Variants in GRIK5 observed in about 807,000 individuals in gnomAD.
The protein encoded by GRIK5 is glutamate ionotropic receptor kainate type subunit 5.
A neutral mutation model predicts 97.4 loss-of-function variants in GRIK5; 43 were observed. The ratio of observed to expected loss-of-function variants is 0.44; its 90% CI spans 0.35 to 0.57. The LOEUF is 0.57. Ranked by LOEUF, GRIK5 falls within the 20% of genes least tolerant of loss-of-function variation. GRIK5 has a pLI of 0.01. For synonymous variants in GRIK5, 580 were observed against 583.5 expected (o/e 0.99, Z 0.09); for missense variants, 1,015 against 1,382.0 (o/e 0.73, Z 4.21).
At chr19:42,007,617 G>T (rs1420648591) in intron 15 of GRIK5, among the ~76,000 whole-genome samples, 8 of 152,148 alleles carry the variant, frequency 5.3e-5, no homozygotes, top group African/African-American at 1.9e-4. Context: ...AGAGGAGGGA[G>T]CTGCAAAGAG....
chr19:42,033,450 T>G (rs2031188770), intron 12 of GRIK5, among the ~76,000 whole-genome samples: 1 of 152,104 alleles, frequency 6.6e-6, no homozygotes. Flanking sequence ...ATGATTCCAT[T>G]TATGTGAAAT....
At chr19:42,017,953 C>G (rs2075645467) in intron 15 of GRIK5, among the ~76,000 whole-genome samples, 2 of 152,108 alleles carry the variant, frequency 1.3e-5, no homozygotes, top group South Asian at 4.2e-4. Flanking sequence ...TCAGAGGACT[C>G]ATCGCACCAA....
At chr19:42,061,694 C>T (rs774352764) in intron 5 of GRIK5, among the ~76,000 whole-genome samples, 5 of 152,306 alleles carry the variant, frequency 3.3e-5, no homozygotes, top group Non-Finnish European at 7.3e-5. Flanking sequence ...CTTTCCCTCA[C>T]GCCTCTCACA....
intron 11 of GRIK5, among the ~76,000 whole-genome samples, chr19:42,051,338 C>T (rs999718310): frequency 3.9e-5 from 6 of 152,126 alleles, no homozygotes; most frequent in Admixed American, 6.5e-5. Context: ...CCAGGGGCAG[C>T]GCCAGCCTGC....
intron 11 of GRIK5, among the ~76,000 whole-genome samples, chr19:42,050,442 G>A (rs183451817): frequency 3.0e-4 from 46 of 151,898 alleles, no homozygotes; most frequent in South Asian, 2.1e-4. Context: ...GGCAGATCAC[G>A]AGGTCAGGAG....
chr19:42,058,329 C>T (rs147649409), intron 6 of GRIK5, among the ~76,000 whole-genome samples: 13,627 of 151,144 alleles, frequency 0.09, 790 homozygotes, highest in Middle Eastern at 0.16. Context: ...TACAGGCGCC[C>T]GCCACCACGC....
chr19:42,043,399 A>ATTTTT (rs984583211), intron 11 of GRIK5, among the ~76,000 whole-genome samples: 3 of 121,312 alleles, frequency 2.5e-5, no homozygotes, highest in Non-Finnish European at 5.2e-5. Context: ...AGATGGTGCA[A>ATTTTT]TTTTTTTTTT....
intron 12 of GRIK5, among the ~76,000 whole-genome samples, chr19:42,040,567 T>C (rs1326717387): frequency 1.3e-5 from 2 of 152,112 alleles, no homozygotes; most frequent in Non-Finnish European, 2.9e-5. Context: ...GGCTTTAAAA[T>C]TCACCCTGGG....
In GRIK5 at chr19:42,044,038, C is replaced by G. The variant is rs537444934; in HGVS notation, c.1270-1283G>C. On this transcript the variant is annotated intron_variant, in intron 11 of 19. Coordinates refer to ENST00000593562, the MANE Select transcript of GRIK5 (RefSeq NM_002088.5). Reference sequence around the variant, plus strand: ...AGAGACCAGGTGGAGGTAACTGAATCAGGGGGGCGGTTTCCCCCATGCTCT... The same window carrying G: ...AGAGACCAGGTGGAGGTAACTGAATGAGGGGGGCGGTTTCCCCCATGCTCT... Among the ~76,000 whole-genome samples the G allele has an allele frequency of 6.6e-5, 10 of 152,340 alleles. No individual in the cohort carries two copies. The East Asian group carries it at 1.9e-3, about 29-fold the overall frequency.
At chr19:42,029,106 T>C (rs1187295296) in intron 12 of GRIK5, among the ~76,000 whole-genome samples, 1 of 152,068 alleles carries the variant, frequency 6.6e-6, no homozygotes, top group Non-Finnish European at 1.5e-5. Context: ...TCTTGCTCTG[T>C]AGCTGGGCTA....
Position 42,022,659 on chromosome 19 carries a change from G to A in GRIK5, c.1474-305C>T, listed in dbSNP as rs117637200. On this transcript the variant is annotated intron_variant, in intron 12 of 19. Coordinates refer to ENST00000593562, the MANE Select transcript of GRIK5 (RefSeq NM_002088.5). The surrounding 1 kb of genome is among the most constrained non-coding windows in gnomAD (Gnocchi z 4.2). ...AGGGGTTCCCCAAACTCCAATTCAA[G>A]CAGCAACTTCTCCCTAGGGCCATAA... The A allele has an allele frequency of 0.014, 14,111 of 984,910 alleles. 127 individuals are homozygous for A. Among genetic ancestry groups the A allele is most frequent in the Non-Finnish European group, 0.016 (12,911 of 829,774 alleles). The allele number at this position is 984,910 out of a possible 1,614,324, so 61.0% of individuals were successfully genotyped here.
intron 12 of GRIK5, among the ~76,000 whole-genome samples, chr19:42,041,949 T>C (rs1599807962): frequency 6.6e-6 from 1 of 152,268 alleles, no homozygotes; most frequent in African/African-American, 2.4e-5. Context: ...GGTCATTCAC[T>C]GTCTTGCGCC....
intron 11 of GRIK5, among the ~76,000 whole-genome samples, chr19:42,048,033 T>C (rs900463782): frequency 7.1e-6 from 1 of 141,586 alleles, no homozygotes; most frequent in African/African-American, 2.6e-5. Flanking sequence ...ACATGCTACA[T>C]AAAAATCAAT....
At chr19:42,019,647 A>T (rs1050503597) in intron 15 of GRIK5, among the ~76,000 whole-genome samples, 2 of 152,220 alleles carry the variant, frequency 1.3e-5, no homozygotes, top group African/African-American at 4.8e-5. Context: ...GGAAGGCCCA[A>T]AGGAATCACA....
At position 42,006,824 on chromosome 19, in the gene GRIK5, G is replaced by A. The variant is rs1555872834; in HGVS notation, c.1872-14C>T. On this transcript the variant is annotated splice_polypyrimidine_tract_variant and intron_variant, in intron 15 of 19. Transcript: ENST00000593562. This position sits in a 1 kb window ranked among gnomAD's most constrained non-coding sequence, Gnocchi z 5.3. Reference sequence around the variant, plus strand: ...GTGAAGGCCCACCTGAAGGGTGGGAGGGGTGAGTCACGGGCTGGAGTCACC... The same window carrying A: ...GTGAAGGCCCACCTGAAGGGTGGGAAGGGTGAGTCACGGGCTGGAGTCACC... The A allele has an allele frequency of 1.9e-6, 3 of 1,580,284 alleles. No homozygotes were observed. The highest frequency in any genetic ancestry group is 1.8e-4 in the Middle Eastern group (1 of 5,576).
chr19:42,021,795 A>G lies in GRIK5; in HGVS notation c.1697+152T>C. 1 of 626,284 alleles carries G rather than the reference A, an allele frequency of 1.6e-6. No homozygotes were observed. Among genetic ancestry groups the G allele is most frequent in the East Asian group, 2.8e-5 (1 of 36,330 alleles). 38.8% of individuals were successfully genotyped at this position (626,284 alleles called of 1,614,324 possible). ...AAGGGGAAGAATGAGACTCAGACACAGGGCACAAAACTGAGAAAGGAGGGC... is the reference window on the plus strand; with the variant it reads ...AAGGGGAAGAATGAGACTCAGACACGGGGCACAAAACTGAGAAAGGAGGGC... On this transcript the variant is annotated intron_variant, in intron 14 of 19. Coordinates refer to ENST00000593562, the MANE Select transcript of GRIK5 (RefSeq NM_002088.5). This position sits in a 1 kb window ranked among gnomAD's most constrained non-coding sequence, Gnocchi z 4.2.
intron 12 of GRIK5, among the ~76,000 whole-genome samples, chr19:42,023,076 C>T (rs1053725959): frequency 6.6e-6 from 1 of 151,940 alleles, no homozygotes; most frequent in African/African-American, 2.4e-5. Context: ...AGAGAGGTGG[C>T]ACAGGCTGAA....
At chr19:42,069,163 C>A in intron 1 of GRIK5, 78 bp downstream of exon 1, 1 of 391,324 alleles carries the variant, frequency 2.6e-6, no homozygotes, top group South Asian at 1.0e-4. Context: ...GAATGTGGTG[C>A]CCCCCTGCCA....
intron 1 of GRIK5, among the ~76,000 whole-genome samples, chr19:42,068,005 G>A (rs1260346908): frequency 6.6e-6 from 1 of 152,194 alleles, no homozygotes; most frequent in Non-Finnish European, 1.5e-5. Flanking sequence ...AGAAGGCAAA[G>A]GGAGATAAAG....
Sources: gnomAD v4.1 joint callset for allele counts (sites outside exome capture counted in the v4.1 genomes callset) on GRCh38, gnomAD v4.1.1 for gene constraint, Gnocchi (gnomAD v3.1) non-coding constraint, MANE v1.5 for transcripts, NCBI Gene and HGNC (gene_info 2026-07-23, HGNC 2026-07-21) for gene names.